The following PCLAF variants were observed in gnomAD, a reference collection of about 807,000 sequenced individuals.
PCLAF encodes the protein PCNA-associated factor.
Under a neutral mutation model 15.1 loss-of-function variants are expected in PCLAF, and 12 were observed. The ratio of observed to expected loss-of-function variants is 0.79; its 90% CI spans 0.51 to 1.29. The LOEUF (loss-of-function observed/expected upper bound fraction) is 1.29, where lower values mean the gene tolerates loss of function less well. Ranked by LOEUF, PCLAF falls within the 50% of genes most tolerant of loss-of-function variation. PCLAF has a pLI of 0.00. For missense variants in PCLAF, 116 were observed against 130.9 expected, an observed-to-expected ratio of 0.89 and a Z score of 0.56; for synonymous variants, 33 against 47.1, an observed-to-expected ratio of 0.70 and a Z score of 1.22.
At chr15:64,381,481 T>TC, upstream of PCLAF, 1 of 1,597,874 alleles carries the variant, frequency 6.3e-7, no homozygotes, top group East Asian at 2.2e-5. Flanking sequence ...TTGGTCTCTT[T>TC]CCCGCGCGCT....
At chr15:64,385,374 C>A (rs2140537461), upstream of PCLAF, among the ~76,000 whole-genome samples, 1 of 152,084 alleles carries the variant, frequency 6.6e-6, no homozygotes. Flanking sequence ...GCTTGTAATC[C>A]CAGCACTTTG....
At chr15:64,376,412 T>C (rs1297213414) in intron 3 of PCLAF, among the ~76,000 whole-genome samples, 1 of 152,154 alleles carries the variant, frequency 6.6e-6, no homozygotes, top group African/African-American at 2.4e-5. Flanking sequence ...AGACAGAGTC[T>C]CACTCTGTCC....
At chr15:64,369,947 G>A (rs920501822) in intron 3 of PCLAF, among the ~76,000 whole-genome samples, 1 of 152,098 alleles carries the variant, frequency 6.6e-6, no homozygotes, top group Admixed American at 6.6e-5. Context: ...GGATCTGCTT[G>A]TTCCCATGCA....
rs561207459 is a variant in PCLAF at position 64,374,407 on chromosome 15, C to T, written c.290+2336G>A. On this transcript the variant is annotated intron_variant, in intron 3 of 3. Coordinates refer to ENST00000300035, the MANE Select transcript of PCLAF (RefSeq NM_014736.6). ...CAACAAAATTAGCCAGGCGTGGTGGCGGGCGCCTGTAGTCCCAGCTACTTG... is the reference window on the plus strand; with the variant it reads ...CAACAAAATTAGCCAGGCGTGGTGGTGGGCGCCTGTAGTCCCAGCTACTTG... Among the ~76,000 whole-genome samples the T allele has an allele frequency of 1.4e-4, 22 of 151,986 alleles. 1 individual carries two copies. The South Asian group carries it at 4.4e-3, about 30-fold the overall frequency.
intron 3 of PCLAF, chr15:64,373,660 T>C (rs1228524570): frequency 1.3e-6 from 2 of 1,532,218 alleles, no homozygotes; most frequent in Non-Finnish European, 8.7e-7. Flanking sequence ...GCGCCAGAAG[T>C]AGCAGACCCA....
Position 64,381,312 on chromosome 15 carries a change from C to T in PCLAF, c.46+14G>A. 1 of 1,614,168 alleles carries T rather than the reference C, an allele frequency of 6.2e-7. No individual in the cohort carries two copies. The highest frequency in any genetic ancestry group is 8.5e-7 in the Non-Finnish European group (1 of 1,180,012). On this transcript the variant is annotated intron_variant, in intron 1 of 3. Transcript: ENST00000300035. Reference sequence around the variant, plus strand: ...GACCCCCCCGCCCTCCAGTACCACACTCGATCGCCTCACCTTTTCTGTAAG... The same window carrying T: ...GACCCCCCCGCCCTCCAGTACCACATTCGATCGCCTCACCTTTTCTGTAAG...
chr15:64,381,111 G>C lies in PCLAF; in HGVS notation c.47-73C>G, dbSNP rs1011308546. On this transcript the variant is annotated intron_variant, in intron 1 of 3. Coordinates refer to ENST00000300035, the MANE Select transcript of PCLAF (RefSeq NM_014736.6). ...CGACACCGAGTCCTGGACCCCAGCA[G>C]CTTGGAGAGGAGAGCCTGGCGATCC... 1.5e-5 allele frequency: 21 copies of C among 1,435,824 alleles called. No homozygotes were observed. The African/African-American group carries it at 3.0e-4, about 20-fold the overall frequency. 88.9% of individuals were successfully genotyped at this position (1,435,824 alleles called of 1,614,324 possible). A position where few individuals can be genotyped will look rare whatever the true frequency, so the allele number is the denominator to read the frequency against.
chr15:64,377,488 A>AAAAAATAT (rs1555407636), intron 2 of PCLAF, among the ~76,000 whole-genome samples: 1 of 29,346 alleles, frequency 3.4e-5, no homozygotes, highest in Non-Finnish European at 5.7e-5. Context: ...AAAAAAAAAA[A>AAAAAATAT]ATATATATAT....
rs1171703677 is a variant in PCLAF at position 64,376,771 on chromosome 15, T to A, written c.262A>T (p.Ser88Cys). The A allele has an allele frequency of 6.2e-7, 1 of 1,613,702 alleles. No individual in the cohort carries two copies. The highest frequency in any genetic ancestry group is 8.5e-7 in the Non-Finnish European group (1 of 1,179,790). Reference protein sequence around the residue: ...KENQIPEEAGSSGLGKAKRKA... With the variant: ...KENQIPEEAGCSGLGKAKRKA... ...CTCTTTGCTTTTCCTAAGCCACTGC[T>A]TCCTGCCTCTTCAGGAATCTGATTC... Residue 88 changes from serine (S) to cysteine (C), a missense_variant, in exon 3 of 4, where the codon AGC becomes TGC. Ser to Cys is a moderately radical substitution (Grantham distance 112). Coordinates refer to ENST00000300035, the MANE Select transcript of PCLAF (RefSeq NM_014736.6).
In PCLAF at chr15:64,365,834, T is replaced by C. The variant is rs1328352767; in HGVS notation, c.*196A>G. The C allele has an allele frequency of 3.4e-6, 2 of 585,364 alleles. No individual in the cohort carries two copies. Among genetic ancestry groups the C allele is most frequent in the African/African-American group, 3.8e-5 (2 of 53,090 alleles). The allele number at this position is 585,364 out of a possible 1,614,324, so 36.3% of individuals were successfully genotyped here. ...CCAAACAATGCATTATATTGAATAC[T>C]AAGCTAAGTTACCATAATTAGTCTT... On this transcript the variant is annotated 3_prime_UTR_variant, in exon 4 of 4. Coordinates refer to ENST00000300035, the MANE Select transcript of PCLAF (RefSeq NM_014736.6).
intron 3 of PCLAF, among the ~76,000 whole-genome samples, chr15:64,371,500 A>G (rs1899312475): frequency 6.6e-6 from 1 of 151,970 alleles, no homozygotes; most frequent in Non-Finnish European, 1.5e-5. Context: ...TCCTGACCTC[A>G]GGTGATCCGC....
intron 3 of PCLAF, among the ~76,000 whole-genome samples, chr15:64,372,475 G>A (rs916373112): frequency 1.3e-5 from 2 of 151,796 alleles, no homozygotes; most frequent in Middle Eastern, 3.2e-3. Context: ...TTAGCCGGGC[G>A]TGGCGGCGTG....
Position 64,365,714 on chromosome 15 carries a change from T to G in PCLAF, c.*316A>C. 3.4e-6 allele frequency: 1 copy of G among 292,074 alleles called. No homozygotes were observed. Among genetic ancestry groups the G allele is most frequent in the Non-Finnish European group, 6.4e-6 (1 of 157,434 alleles). The allele number at this position is 292,074 out of a possible 1,614,324, so 18.1% of individuals were successfully genotyped here. A position where few individuals can be genotyped will look rare whatever the true frequency, so the allele number is the denominator to read the frequency against. ...AATAAAAATGGCAGCAGTACAACAATCTAAGCAAATCTCAAATACAACATA... is the reference window on the plus strand; with the variant it reads ...AATAAAAATGGCAGCAGTACAACAAGCTAAGCAAATCTCAAATACAACATA... On this transcript the variant is annotated 3_prime_UTR_variant, in exon 4 of 4. Coordinates refer to ENST00000300035, the MANE Select transcript of PCLAF (RefSeq NM_014736.6).
chr15:64,371,107 T>C (rs917534684), intron 3 of PCLAF, among the ~76,000 whole-genome samples: 1 of 151,686 alleles, frequency 6.6e-6, no homozygotes, highest in Non-Finnish European at 1.5e-5. Flanking sequence ...TAGCTGGGAC[T>C]CCAGGTGCCT....
chr15:64,386,908 T>C (rs912331561), intron 1 of PCLAF, among the ~76,000 whole-genome samples: 1 of 152,176 alleles, frequency 6.6e-6, no homozygotes, highest in Non-Finnish European at 1.5e-5. Flanking sequence ...GAAGACATTA[T>C]GATCTCCAGA....
At chr15:64,377,990 G>A (rs969827131) in intron 2 of PCLAF, among the ~76,000 whole-genome samples, 1 of 151,554 alleles carries the variant, frequency 6.6e-6, no homozygotes, top group African/African-American at 2.4e-5. Context: ...CAGTGCAGTG[G>A]CACGATCTTG....
exon 1 of PCLAF, chr15:64,387,501 T>TAA (rs758963000): frequency 3.1e-4 from 398 of 1,294,474 alleles, no homozygotes; most frequent in Non-Finnish European, 3.8e-4. Flanking sequence ...CCATGACGAT[T>TAA]AAAAAGCTGG....
Position 64,370,366 on chromosome 15 carries a change from G to A in PCLAF, c.291-4291C>T, listed in dbSNP as rs1482630480. On this transcript the variant is annotated intron_variant, in intron 3 of 3. Transcript: ENST00000300035. Reference sequence around the variant, plus strand: ...AGGCATGCCTGGCCTCATGGAGTACGTATTTCTTTTTTTTTTTTTCAGACG... The same window carrying A: ...AGGCATGCCTGGCCTCATGGAGTACATATTTCTTTTTTTTTTTTTCAGACG... Among the ~76,000 whole-genome samples, 8 of 149,132 alleles carry A rather than the reference G, an allele frequency of 5.4e-5. No homozygotes were observed. The Admixed American group carries it at 5.4e-4, about 10-fold the overall frequency.
chr15:64,372,338 G>C (rs1159465606), intron 3 of PCLAF, among the ~76,000 whole-genome samples: 1 of 152,178 alleles, frequency 6.6e-6, no homozygotes, highest in Non-Finnish European at 1.5e-5. Context: ...TGCAGGGCTG[G>C]GTGCGATGGC....
Sources: allele counts gnomAD v4.1 joint callset (sites outside exome capture counted in the v4.1 genomes callset), GRCh38; gene constraint gnomAD v4.1.1; transcripts MANE v1.5; gene names NCBI Gene and HGNC (gene_info 2026-07-23, HGNC 2026-07-21).